Variants in SV2C observed in about 807,000 individuals in gnomAD.
SV2C encodes synaptic vesicle glycoprotein 2C.
A neutral mutation model predicts 79.7 loss-of-function variants in SV2C; 49 were observed. The ratio of observed to expected loss-of-function variants is 0.61; its 90% confidence interval spans 0.49 to 0.78. SV2C has a LOEUF of 0.78. SV2C is among the 30% of genes least tolerant of loss of function. SV2C has a pLI of 0.00. For missense variants in SV2C, 833 were observed against 912.9 expected (o/e 0.91, Z 1.13); for synonymous variants, 334 against 333.2 (o/e 1.00, Z -0.03).
At chr5:76,238,146 G>T (rs1484929560) in intron 4 of SV2C, among the ~76,000 whole-genome samples, 3 of 151,316 alleles carry the variant, frequency 2.0e-5, no homozygotes, top group Non-Finnish European at 4.4e-5. Flanking sequence ...GAACTACCTG[G>T]ATCCATTTTC....
chr5:76,133,315 A>G (rs79003998), intron 2 of SV2C, among the ~76,000 whole-genome samples: 3 of 152,370 alleles, frequency 2.0e-5, no homozygotes, highest in Non-Finnish European at 2.9e-5. Flanking sequence ...CTTAGTATCT[A>G]TGTTTCCAAG....
At chr5:76,122,400 A>T (rs1040265059) in intron 1 of SV2C, among the ~76,000 whole-genome samples, 5 of 151,662 alleles carry the variant, frequency 3.3e-5, no homozygotes, top group Non-Finnish European at 7.4e-5. Flanking sequence ...AGAACTTCCA[A>T]CACTATGTTG....
At chr5:75,967,205 G>A in the SV2C span, among the ~76,000 whole-genome samples, 1 of 152,094 alleles carries the variant, frequency 6.6e-6, no homozygotes, top group African/African-American at 2.4e-5. Flanking sequence ...AGTATGGGTG[G>A]AGCCAAGATG....
At chr5:76,012,922 T>C in the SV2C span, among the ~76,000 whole-genome samples, 2 of 152,134 alleles carry the variant, frequency 1.3e-5, no homozygotes, top group Non-Finnish European at 2.9e-5. Context: ...TGTAGATGTG[T>C]GGTGTTATTT....
chr5:76,050,413 G>A, the SV2C span, among the ~76,000 whole-genome samples: 4 of 152,208 alleles, frequency 2.6e-5, no homozygotes, highest in East Asian at 7.7e-4. Flanking sequence ...ATCTCTAGAG[G>A]ATCTTCATTG....
At chr5:76,191,021 C>A (rs972276683) in intron 2 of SV2C, among the ~76,000 whole-genome samples, 13 of 135,290 alleles carry the variant, frequency 9.6e-5, no homozygotes, top group Non-Finnish European at 2.0e-4. Flanking sequence ...ATACGTGAGA[C>A]GGACTAATTT....
At chr5:75,954,701 G>C in the SV2C span, among the ~76,000 whole-genome samples, 1 of 150,176 alleles carries the variant, frequency 6.7e-6, no homozygotes, top group East Asian at 1.9e-4. Context: ...CAAAGTCTCA[G>C]GATATAAAAT....
chr5:76,171,743 C>T (rs1330699106), intron 2 of SV2C, among the ~76,000 whole-genome samples: 6 of 133,094 alleles, frequency 4.5e-5, no homozygotes, highest in East Asian at 5.2e-4. Flanking sequence ...CCAGCCGTGC[C>T]GTCCGGGAGG....
intron 1 of SV2C, among the ~76,000 whole-genome samples, chr5:76,122,590 C>T (rs1483998466): frequency 2.0e-5 from 3 of 152,058 alleles, no homozygotes; most frequent in Admixed American, 2.0e-4. Flanking sequence ...TGCTCAACTA[C>T]ATGGAAACTG....
the SV2C span, among the ~76,000 whole-genome samples, chr5:75,868,524 C>T: frequency 6.6e-6 from 1 of 152,294 alleles, no homozygotes; most frequent in African/African-American, 2.4e-5. Context: ...AACAAAAAAA[C>T]TTGGCTGCTT....
intron 3 of SV2C, among the ~76,000 whole-genome samples, chr5:76,202,741 T>G (rs1166140127): frequency 6.6e-6 from 1 of 152,216 alleles, no homozygotes; most frequent in Admixed American, 6.5e-5. Context: ...TGGTAACCAC[T>G]AGCTTCATGT....
the SV2C span, among the ~76,000 whole-genome samples, chr5:75,978,366 C>A: frequency 6.6e-6 from 1 of 152,274 alleles, no homozygotes; most frequent in Non-Finnish European, 1.5e-5. Context: ...TCTGAGACCT[C>A]TCTTCTACAT....
chr5:75,998,200 A>T, the SV2C span, among the ~76,000 whole-genome samples: 1 of 152,002 alleles, frequency 6.6e-6, no homozygotes, highest in South Asian at 2.1e-4. Flanking sequence ...ACGGGGTGGG[A>T]GGAAGGGGGA....
At chr5:76,349,787 G>C (rs1294890562) in intron 12 of SV2C, among the ~76,000 whole-genome samples, 3 of 151,072 alleles carry the variant, frequency 2.0e-5, no homozygotes, top group Admixed American at 1.3e-4. Flanking sequence ...CTCCCACCTT[G>C]GCCTCCCAAA....
chr5:75,892,456 T>C, the SV2C span, among the ~76,000 whole-genome samples: 44,576 of 151,636 alleles, frequency 0.29, 9,589 homozygotes, highest in African/African-American at 0.62. Context: ...AGTTTAGATT[T>C]GGGAGCACAT....
intron 2 of SV2C, among the ~76,000 whole-genome samples, chr5:76,160,614 G>C (rs1451297694): frequency 6.6e-6 from 1 of 152,164 alleles, no homozygotes; most frequent in Non-Finnish European, 1.5e-5. Flanking sequence ...ACAGCCCACA[G>C]AATGGGAGAA....
At chr5:76,190,210 GACC>G (rs1338594434) in intron 2 of SV2C, among the ~76,000 whole-genome samples, 2 of 152,166 alleles carry the variant, frequency 1.3e-5, no homozygotes, top group African/African-American at 4.8e-5. Flanking sequence ...GCATAGTCAG[GACC>G]ATCATAACAG....
rs551017502 is a variant in SV2C at position 76,222,835 on chromosome 5, A to G, written c.913+12948A>G. Among the ~76,000 whole-genome samples the G allele has an allele frequency of 3.3e-5, 5 of 152,338 alleles. No individual in the cohort carries two copies. The East Asian group carries it at 9.6e-4, about 29-fold the overall frequency. On this transcript the variant is annotated intron_variant, in intron 4 of 12. Transcript: ENST00000502798. ...TTTGGGGGGAAAAACAACAGTAACT[A>G]TTACTACCCTTTTTTGAATAGAGAT...
At chr5:75,990,665 T>C in the SV2C span, among the ~76,000 whole-genome samples, 2 of 151,976 alleles carry the variant, frequency 1.3e-5, no homozygotes, top group Non-Finnish European at 2.9e-5. Flanking sequence ...CAACAAGTCC[T>C]GGGAATGAAG....
Sources: gnomAD v4.1 joint callset for allele counts (sites outside exome capture counted in the v4.1 genomes callset) on GRCh38, gnomAD v4.1.1 for gene constraint, MANE v1.5 for transcripts, NCBI Gene and HGNC (gene_info 2026-07-23, HGNC 2026-07-21) for gene names.